The following ENOX2 variants were observed in gnomAD, a reference collection of about 807,000 sequenced individuals.
The protein encoded by ENOX2 is ecto-NOX disulfide-thiol exchanger 2, also known as APK1 antigen.
In ENOX2, 36 loss-of-function variants were observed where a neutral mutation model predicts 45.0. The ratio of observed to expected loss-of-function variants is 0.80; its 90% CI spans 0.61 to 1.06. The LOEUF (loss-of-function observed/expected upper bound fraction) is 1.06. Among genes scored for constraint, ENOX2 ranks in the 50% least tolerant of loss-of-function variants. The pLI is 0.00. For missense variants in ENOX2, 423 were observed against 462.5 expected (o/e 0.91, Z 0.78); for synonymous variants, 174 against 152.3 (o/e 1.14, Z -1.05).
At chrX:130,816,633 T>C (rs1036333617) in intron 2 of ENOX2, among the ~76,000 whole-genome samples, 10 of 111,980 alleles carry the variant, frequency 8.9e-5, no homozygotes, top group South Asian at 3.7e-4. Flanking sequence ...CACATTTACA[T>C]GGAAACTGAA....
chrX:130,877,863 T>G (rs746155715), intron 2 of ENOX2, among the ~76,000 whole-genome samples: 2 of 112,009 alleles, frequency 1.8e-5, no homozygotes, highest in Non-Finnish European at 3.8e-5. Flanking sequence ...TTCAAATACT[T>G]CCCTCACTGG....
At chrX:130,829,087 T>C (rs745533233) in intron 2 of ENOX2, among the ~76,000 whole-genome samples, 2 of 111,914 alleles carry the variant, frequency 1.8e-5, no homozygotes, top group South Asian at 7.5e-4. Flanking sequence ...TACTGGCTGA[T>C]CCTGCTCCTA....
At position 130,631,505 on chromosome X, in the gene ENOX2, G is replaced by A; in HGVS notation, c.1491C>T (p.Ser497=). The part of the protein sequence containing the change: ...SEYPLEKTMN[S]SPIKSEREAL... The stretch of plus-strand genomic sequence containing the variant: ...CTTCACGTTCAGATTTGATAGGACT[G>A]CTGTTCATGGTCTTCTCAAGAGGGT... Residue 497 remains serine (S), a synonymous_variant, in exon 13 of 15, where the codon AGC becomes AGT. Coordinates refer to ENST00000394363, the MANE Select transcript of ENOX2 (RefSeq NM_006375.4). The A allele has an allele frequency of 1.7e-6, 2 of 1,202,217 alleles. No individual in the cohort carries two copies. The highest frequency in any genetic ancestry group is 2.3e-6 in the Non-Finnish European group (2 of 886,895).
At chrX:130,781,639 TAA>T (rs1238176002) in intron 3 of ENOX2, among the ~76,000 whole-genome samples, 1 of 112,164 alleles carries the variant, frequency 8.9e-6, no homozygotes, top group Non-Finnish European at 1.9e-5. Flanking sequence ...TAGGTGATCA[TAA>T]AAGTCTCAGA....
rs774234722 is a variant in ENOX2 at position 130,623,872 on chromosome X, C to T, written c.*1442G>A. 3 of 111,649 alleles carry T rather than the reference C, an allele frequency of 2.7e-5. No homozygotes were observed. The highest frequency in any genetic ancestry group is 6.5e-5 in the African/African-American group (2 of 30,753). 9.2% of individuals were successfully genotyped at this position (111,649 alleles called of 1,213,427 possible). A position where few individuals can be genotyped will look rare whatever the true frequency, so the allele number is the denominator to read the frequency against. ...ATAACTACTAATGGATTACTTAGAGCGTAAGTCATTAAAAACAGGACACAA... is the reference window on the plus strand; with the variant it reads ...ATAACTACTAATGGATTACTTAGAGTGTAAGTCATTAAAAACAGGACACAA... On this transcript the variant is annotated 3_prime_UTR_variant, in exon 15 of 15. Coordinates refer to ENST00000394363, the MANE Select transcript of ENOX2 (RefSeq NM_006375.4).
chrX:130,797,807 G>A (rs2077157323), intron 2 of ENOX2, among the ~76,000 whole-genome samples: 2 of 111,537 alleles, frequency 1.8e-5, no homozygotes. Context: ...ACCCAAATCT[G>A]GTTTTCTCCA....
At position 130,823,831 on chromosome X, in the gene ENOX2, G is replaced by A. The variant is rs774404053; in HGVS notation, c.-182-40141C>T. Among the ~76,000 whole-genome samples, 4 of 110,797 alleles carry A rather than the reference G, an allele frequency of 3.6e-5. No homozygotes were observed. In the East Asian group the frequency reaches 1.1e-3, roughly 31 times the overall value. ...AGAGCATCTATGGGAATTATCTGGG[G>A]CACTACCAATGACACTCAAGGGTTG... is the stretch of plus-strand genomic sequence containing the variant. On this transcript the variant is annotated intron_variant, in intron 2 of 14. Transcript: ENST00000394363.
intron 3 of ENOX2, among the ~76,000 whole-genome samples, chrX:130,705,294 C>T (rs973477051): frequency 8.9e-6 from 1 of 111,981 alleles, no homozygotes; most frequent in Non-Finnish European, 1.9e-5. Context: ...AGGAACACTT[C>T]TCAGTAAAGG....
chrX:130,634,969 T>C lies in ENOX2; in HGVS notation c.1419+15A>G, dbSNP rs768648521. 80 of 938,111 alleles carry C rather than the reference T, an allele frequency of 8.5e-5. No homozygotes were observed. The highest frequency in any genetic ancestry group is 1.1e-4 in the Non-Finnish European group (75 of 657,311). The allele number at this position is 938,111 out of a possible 1,213,427, so 77.3% of individuals were successfully genotyped here. ...TAAAGGGGCAAGGAAAAAGGTTCAC[T>C]TAGGGTGCATGTACCTTTTCTTTAA... On this transcript the variant is annotated intron_variant, in intron 12 of 14. Transcript: ENST00000394363.
intron 2 of ENOX2, among the ~76,000 whole-genome samples, chrX:130,802,718 A>G (rs928667173): frequency 1.8e-5 from 2 of 111,625 alleles, no homozygotes; most frequent in African/African-American, 6.5e-5. Context: ...ATTTTTAATA[A>G]TTACTAGGAG....
intron 3 of ENOX2, among the ~76,000 whole-genome samples, chrX:130,705,376 T>G (rs1243676904): frequency 8.9e-6 from 1 of 111,991 alleles, no homozygotes; most frequent in African/African-American, 3.2e-5. Context: ...AGGGGCGGGA[T>G]AAGTGTTTGG....
chrX:130,646,128 C>G (rs1021566926), intron 10 of ENOX2: 6 of 521,195 alleles, frequency 1.2e-5, no homozygotes, highest in Admixed American at 9.4e-5. Context: ...TGCAGCCCAG[C>G]AAGCAACTTC....
At chrX:130,762,826 C>T (rs1450304613) in intron 3 of ENOX2, among the ~76,000 whole-genome samples, 2 of 111,173 alleles carry the variant, frequency 1.8e-5, no homozygotes, top group African/African-American at 6.6e-5. Flanking sequence ...GTGTATTTTG[C>T]TCTTGTTGGA....
chrX:130,809,133 T>A, intron 2 of ENOX2, among the ~76,000 whole-genome samples: 1 of 112,370 alleles, frequency 8.9e-6, no homozygotes, highest in South Asian at 3.7e-4. Flanking sequence ...ATGAGAGTTT[T>A]ATTAAGTTTA....
At chrX:130,872,069 G>C (rs770850824) in intron 2 of ENOX2, among the ~76,000 whole-genome samples, 3 of 111,916 alleles carry the variant, frequency 2.7e-5, no homozygotes, top group East Asian at 2.8e-4. Context: ...AGGATCACTG[G>C]GGGTAGCAAA....
At chrX:130,821,742 TAAAAAAAAAAA>T in intron 2 of ENOX2, among the ~76,000 whole-genome samples, 5 of 23,164 alleles carry the variant, frequency 2.2e-4, no homozygotes, top group East Asian at 1.2e-3. Flanking sequence ...ATAAATAAAT[TAAAAAAAAAAA>T]AAAAAAAAAA....
chrX:130,709,465 C>A, intron 3 of ENOX2: 1 of 438,061 alleles, frequency 2.3e-6, no homozygotes, highest in Non-Finnish European at 4.0e-6. Flanking sequence ...ATGGTAAAAC[C>A]CAACGTCTAC....
intron 4 of ENOX2, among the ~76,000 whole-genome samples, chrX:130,692,467 T>C (rs1290143899): frequency 8.9e-6 from 1 of 112,858 alleles, no homozygotes; most frequent in Non-Finnish European, 1.9e-5. Context: ...AAATATCCTG[T>C]TCTATTTTGC....
At position 130,867,134 on chromosome X, in the gene ENOX2, T is replaced by C. The variant is rs192328408; in HGVS notation, c.-183+34550A>G. On this transcript the variant is annotated intron_variant, in intron 2 of 14. Coordinates refer to ENST00000394363, the MANE Select transcript of ENOX2 (RefSeq NM_006375.4). The stretch of plus-strand genomic sequence containing the variant: ...ATTAAAATCAATGAGAATAATGGCA[T>C]TGTTTTATAATTTTGCAAATACTTT... 9.1e-4 allele frequency among the ~76,000 whole-genome samples: 101 copies of C among 111,523 alleles called. No individual in the cohort carries two copies. In the East Asian group the frequency reaches 0.02, roughly 22 times the overall value.
Sources: allele counts gnomAD v4.1 joint callset (sites outside exome capture counted in the v4.1 genomes callset), GRCh38; gene constraint gnomAD v4.1.1; transcripts MANE v1.5; gene names NCBI Gene and HGNC (gene_info 2026-07-23, HGNC 2026-07-21).